The following CLSTN2 variants were observed in gnomAD, a reference collection of about 807,000 sequenced individuals.
CLSTN2 encodes calsyntenin-2.
In CLSTN2, 48 loss-of-function variants were observed where a neutral mutation model predicts 101.2. The ratio of observed to expected loss-of-function variants is 0.47; its 90% CI spans 0.38 to 0.60. CLSTN2 has a LOEUF of 0.60. CLSTN2 is among the 20% of genes least tolerant of loss of function. CLSTN2 has a pLI of 0.00. For synonymous variants in CLSTN2, 481 were observed against 463.6 expected (o/e 1.04, Z -0.48); for missense variants, 1,160 against 1,238.2 (o/e 0.94, Z 0.95).
At chr3:140,064,678 A>G (rs1396736451) in intron 1 of CLSTN2, among the ~76,000 whole-genome samples, 14 of 152,210 alleles carry the variant, frequency 9.2e-5, no homozygotes, top group Non-Finnish European at 2.1e-4. Flanking sequence ...AAAAAGATTC[A>G]TCTGAGGAAA....
At position 140,176,827 on chromosome 3, in the gene CLSTN2, G is replaced by A. The variant is rs113057006; in HGVS notation, c.232+754G>A. Among the ~76,000 whole-genome samples the A allele has an allele frequency of 9.7e-3, 1,472 of 152,300 alleles. 26 individuals are homozygous for A. Among genetic ancestry groups the A allele is most frequent in the Non-Finnish European group, 0.014 (936 of 68,030 alleles). ...TATTGTTAACATTTTATAACTGTCC[G>A]GAGAAAGACAGGAAATTTAATGAAG... On this transcript the variant is annotated intron_variant, in intron 2 of 16. Coordinates refer to ENST00000458420, the MANE Select transcript of CLSTN2 (RefSeq NM_022131.3).
intron 1 of CLSTN2, among the ~76,000 whole-genome samples, chr3:140,138,124 C>T (rs538375417): frequency 3.9e-5 from 6 of 152,116 alleles, no homozygotes; most frequent in Non-Finnish European, 8.8e-5. Flanking sequence ...TCATTTGAGA[C>T]GTGACATCTC....
intron 8 of CLSTN2, among the ~76,000 whole-genome samples, chr3:140,519,095 T>C (rs1934977388): frequency 6.6e-6 from 1 of 152,192 alleles, no homozygotes; most frequent in South Asian, 2.1e-4. Context: ...TACCCAGGAG[T>C]CATCCAGGAG....
At chr3:140,423,726 C>T (rs2088531873) in intron 5 of CLSTN2, among the ~76,000 whole-genome samples, 1 of 152,196 alleles carries the variant, frequency 6.6e-6, no homozygotes, top group African/African-American at 2.4e-5. Context: ...CAGTACCAGG[C>T]TTATCAGTAC....
intron 8 of CLSTN2, among the ~76,000 whole-genome samples, chr3:140,511,569 A>C (rs1159972115): frequency 1.7e-5 from 1 of 57,472 alleles, no homozygotes; most frequent in East Asian, 5.4e-4. Context: ...TTTTTTTTTG[A>C]GACAGAGCCT....
intron 2 of CLSTN2, among the ~76,000 whole-genome samples, chr3:140,273,557 G>T (rs955859819): frequency 6.6e-6 from 1 of 152,102 alleles, no homozygotes; most frequent in East Asian, 1.9e-4. Flanking sequence ...ATAATCAGGT[G>T]CAGAGGAACA....
chr3:140,566,085 G>A lies in CLSTN2; in HGVS notation c.2700G>A (p.Glu900=). The change falls in exon 17 of 17, where the codon GAG becomes GAA. Residue 900 remains glutamate, a synonymous_variant. Transcript: ENST00000458420. ...AAGGACCAGGGCATGGGGAAGATGA[G>A]ACTGAGGGAGAAGAGGAGGAAGAAG... ...KHEGPGHGED[E]TEGEEEEEAE... is the part of the protein sequence containing the mutation. 1 of 1,613,692 alleles carries A rather than the reference G, an allele frequency of 6.2e-7. No individual in the cohort carries two copies. Among genetic ancestry groups the A allele is most frequent in the African/African-American group, 1.3e-5 (1 of 75,032 alleles).
chr3:140,090,438 C>T (rs978461980), intron 1 of CLSTN2, among the ~76,000 whole-genome samples: 1 of 152,022 alleles, frequency 6.6e-6, no homozygotes, highest in Non-Finnish European at 1.5e-5. Flanking sequence ...CATGCCTGGC[C>T]TTTTTCAGCT....
intron 2 of CLSTN2, among the ~76,000 whole-genome samples, chr3:140,381,656 C>T (rs188417727): frequency 6.6e-6 from 1 of 152,336 alleles, no homozygotes; most frequent in East Asian, 1.9e-4. Flanking sequence ...CCAACTAGGG[C>T]TGACATCATG....
Position 140,566,806 on chromosome 3 carries a change from C to A in CLSTN2, c.*553C>A. 6.4e-6 allele frequency: 1 copy of A among 155,074 alleles called. No homozygotes were observed. The highest frequency in any genetic ancestry group is 1.4e-5 in the Non-Finnish European group (1 of 69,746). The allele number at this position is 155,074 out of a possible 1,614,324, so 9.6% of individuals were successfully genotyped here. ...TTACAGGGAAAGGTACACACATTCT[C>A]TCTCTCTCTCTCTCTCTGTCTATCT... is the stretch of plus-strand genomic sequence containing the variant. On this transcript the variant is annotated 3_prime_UTR_variant, in exon 17 of 17. Coordinates refer to ENST00000458420, the MANE Select transcript of CLSTN2 (RefSeq NM_022131.3).
intron 1 of CLSTN2, among the ~76,000 whole-genome samples, chr3:140,137,106 C>T (rs2009626513): frequency 6.6e-6 from 1 of 151,976 alleles, no homozygotes; most frequent in South Asian, 2.1e-4. Flanking sequence ...CTGGAGTTGC[C>T]AATTGATTTA....
At chr3:140,267,283 C>A (rs1336706525) in intron 2 of CLSTN2, among the ~76,000 whole-genome samples, 2 of 152,126 alleles carry the variant, frequency 1.3e-5, no homozygotes, top group East Asian at 3.9e-4. Flanking sequence ...GAGGAGAATG[C>A]AGCTTGAGGA....
chr3:140,171,884 ATT>A (rs1276458918), intron 1 of CLSTN2, among the ~76,000 whole-genome samples: 1 of 125,852 alleles, frequency 7.9e-6, no homozygotes, highest in East Asian at 2.1e-4. Flanking sequence ...TAATATATAT[ATT>A]ATATAATATA....
chr3:140,515,872 T>TTAAG (rs145397697), intron 8 of CLSTN2, among the ~76,000 whole-genome samples: 1,641 of 152,280 alleles, frequency 0.011, 14 homozygotes, highest in Non-Finnish European at 0.016. Flanking sequence ...AAGTTATAGT[T>TTAAG]TAAGTAAGTT....
intron 2 of CLSTN2, among the ~76,000 whole-genome samples, chr3:140,326,474 A>G (rs1439724940): frequency 1.3e-5 from 2 of 152,218 alleles, no homozygotes; most frequent in East Asian, 1.9e-4. Flanking sequence ...GAACCAAGGG[A>G]AAAAGAACCT....
chr3:140,005,214 C>T (rs1244828946), intron 1 of CLSTN2, among the ~76,000 whole-genome samples: 1 of 152,200 alleles, frequency 6.6e-6, no homozygotes, highest in Non-Finnish European at 1.5e-5. Context: ...CCCTTGGCCA[C>T]TAGTATTCTC....
At chr3:140,353,983 A>G (rs1413320053) in intron 2 of CLSTN2, among the ~76,000 whole-genome samples, 1 of 152,194 alleles carries the variant, frequency 6.6e-6, no homozygotes, top group Non-Finnish European at 1.5e-5. Context: ...GGCTGAGCCT[A>G]CTGGAAAATG....
At chr3:140,515,633 CAT>C (rs1302755622) in intron 8 of CLSTN2, among the ~76,000 whole-genome samples, 3 of 152,076 alleles carry the variant, frequency 2.0e-5, no homozygotes, top group African/African-American at 7.2e-5. Context: ...ACCCAACAAG[CAT>C]TCAGGAGCAG....
chr3:140,040,663 G>A (rs2007744111), intron 1 of CLSTN2, among the ~76,000 whole-genome samples: 1 of 152,068 alleles, frequency 6.6e-6, no homozygotes, highest in Non-Finnish European at 1.5e-5. Context: ...TGAAAGGAAA[G>A]TCAAGTCTCC....
Sources: allele counts gnomAD v4.1 joint callset (sites outside exome capture counted in the v4.1 genomes callset), GRCh38; gene constraint gnomAD v4.1.1; transcripts MANE v1.5; gene names NCBI Gene and HGNC (gene_info 2026-07-23, HGNC 2026-07-21).